The following DIP2C variants were observed in gnomAD, a reference collection of about 807,000 sequenced individuals.
DIP2C encodes disco-interacting protein 2 homolog C.
Under a neutral mutation model 192.4 loss-of-function variants are expected in DIP2C, and 33 were observed. The observed-to-expected ratio is 0.17, with a 90% confidence interval of 0.13 to 0.23. The LOEUF (loss-of-function observed/expected upper bound fraction) is 0.23, where lower values mean the gene tolerates loss of function less well. Among genes scored for constraint, DIP2C ranks in the 10% least tolerant of loss-of-function variants. The pLI, the probability that DIP2C is intolerant of heterozygous loss-of-function variation, is 1.00. For missense variants in DIP2C, 1,537 were observed against 2,110.1 expected (o/e 0.73, Z 5.32); for synonymous variants, 979 against 864.1 (o/e 1.13, Z -2.33).
intron 1 of DIP2C, among the ~76,000 whole-genome samples, chr10:648,228 A>C (rs1257959017): frequency 5.9e-5 from 9 of 151,290 alleles, no homozygotes; most frequent in African/African-American, 2.0e-4. Flanking sequence ...GAACAGAGGG[A>C]AACAGTCCAA....
rs184446547 is a variant in DIP2C at position 369,900 on chromosome 10, C to T, written c.1992-267G>A. 411 of 1,359,120 alleles carry T rather than the reference C, an allele frequency of 3.0e-4. No individual in the cohort carries two copies. In the African/African-American group the frequency reaches 5.5e-3, roughly 18 times the overall value. The allele number at this position is 1,359,120 out of a possible 1,614,324, so 84.2% of individuals were successfully genotyped here. On this transcript the variant is annotated intron_variant, in intron 17 of 36. Transcript: ENST00000280886. Reference sequence around the variant, plus strand: ...TACCAACGCAGCTCCTCTCCTGCCCCCTCTATGCAGGCCCTGCACAGACCA... The same window carrying T: ...TACCAACGCAGCTCCTCTCCTGCCCTCTCTATGCAGGCCCTGCACAGACCA...
At chr10:611,840 C>T (rs1324317023) in intron 1 of DIP2C, among the ~76,000 whole-genome samples, 1 of 152,166 alleles carries the variant, frequency 6.6e-6, no homozygotes, top group Non-Finnish European at 1.5e-5. Flanking sequence ...GCAAATATCC[C>T]CACGACTTCA....
At chr10:370,350 G>A (rs1213138947) in intron 17 of DIP2C, among the ~76,000 whole-genome samples, 2 of 152,138 alleles carry the variant, frequency 1.3e-5, no homozygotes, top group Non-Finnish European at 2.9e-5. Flanking sequence ...GCTTGCTCCC[G>A]CCTTGGGGCT....
intron 2 of DIP2C, among the ~76,000 whole-genome samples, chr10:477,079 A>G (rs1161156125): frequency 1.3e-5 from 2 of 149,888 alleles, no homozygotes; most frequent in Admixed American, 6.7e-5. Flanking sequence ...CACAAATAAA[A>G]CTTGAGCACA....
intron 29 of DIP2C, among the ~76,000 whole-genome samples, chr10:330,866 G>A (rs1445024554): frequency 6.8e-6 from 1 of 147,316 alleles, no homozygotes; most frequent in East Asian, 2.0e-4. Flanking sequence ...AGACTGGAGT[G>A]CAGTGGTGTG....
At chr10:476,400 T>C (rs960706023) in intron 2 of DIP2C, among the ~76,000 whole-genome samples, 4 of 152,178 alleles carry the variant, frequency 2.6e-5, no homozygotes, top group African/African-American at 9.7e-5. Context: ...TTGTGAACTT[T>C]CCTAGGCTCA....
chr10:352,251 A>G (rs942202594), intron 24 of DIP2C, among the ~76,000 whole-genome samples: 6 of 152,270 alleles, frequency 3.9e-5, no homozygotes, highest in Non-Finnish European at 8.8e-5. Context: ...AGACACAGCC[A>G]GCAGCCAAGA....
chr10:450,938 C>T (rs72772898), intron 3 of DIP2C, among the ~76,000 whole-genome samples: 135 of 152,308 alleles, frequency 8.9e-4, no homozygotes, highest in Non-Finnish European at 1.5e-3. Context: ...TATGTGCGTA[C>T]ATGTATGTAT....
intron 1 of DIP2C, among the ~76,000 whole-genome samples, chr10:497,487 G>C (rs919643665): frequency 6.6e-5 from 10 of 152,196 alleles, no homozygotes; most frequent in African/African-American, 2.4e-4. Flanking sequence ...CAGCAATGGG[G>C]CAGCTCTGGA....
intron 1 of DIP2C, among the ~76,000 whole-genome samples, chr10:502,509 A>C (rs1845305641): frequency 6.6e-6 from 1 of 152,178 alleles, no homozygotes; most frequent in Admixed American, 6.5e-5. Flanking sequence ...AAGCCAGAAA[A>C]AGACATCATA....
intron 1 of DIP2C, among the ~76,000 whole-genome samples, chr10:596,496 C>CAAAAAAAAAAAAAAA (rs56298679): frequency 2.8e-4 from 15 of 52,934 alleles, no homozygotes; most frequent in African/African-American, 8.9e-4. Context: ...AACTCCATCT[C>CAAAAAAAAAAAAAAA]AAAAAAAAAA....
At chr10:658,869 G>A (rs565856972) in intron 1 of DIP2C, among the ~76,000 whole-genome samples, 5 of 152,234 alleles carry the variant, frequency 3.3e-5, no homozygotes, top group South Asian at 2.1e-4. Context: ...AGAGGACAGC[G>A]GAGGATCCCA....
intron 1 of DIP2C, among the ~76,000 whole-genome samples, chr10:615,223 C>A (rs573088711): frequency 6.6e-6 from 1 of 152,162 alleles, no homozygotes; most frequent in South Asian, 2.1e-4. Flanking sequence ...TCCCAACGAT[C>A]GGGGAAGAAA....
intron 3 of DIP2C, among the ~76,000 whole-genome samples, chr10:454,716 A>C (rs1488392465): frequency 6.6e-6 from 1 of 151,850 alleles, no homozygotes; most frequent in African/African-American, 2.4e-5. Flanking sequence ...AAACATCAGC[A>C]CCCCTCAGAG....
intron 32 of DIP2C, among the ~76,000 whole-genome samples, chr10:295,805 G>C (rs151244119): frequency 2.6e-5 from 4 of 151,912 alleles, no homozygotes; most frequent in Non-Finnish European, 5.9e-5. Flanking sequence ...TCAGGAGTTC[G>C]AGACCAGCCT....
intron 17 of DIP2C, among the ~76,000 whole-genome samples, chr10:371,232 G>A (rs916302984): frequency 6.6e-6 from 1 of 151,868 alleles, no homozygotes; most frequent in Non-Finnish European, 1.5e-5. Context: ...CCTCTACAAA[G>A]ATCAGCGTGG....
intron 31 of DIP2C, 47 bp from the exon 32 acceptor site, chr10:310,139 AT>A: frequency 6.5e-7 from 1 of 1,545,062 alleles, no homozygotes; most frequent in South Asian, 1.1e-5. Flanking sequence ...ATGGAGGGAG[AT>A]TGGGGTCTGT....
chr10:546,613 T>C (rs955865426), intron 1 of DIP2C, among the ~76,000 whole-genome samples: 2 of 152,252 alleles, frequency 1.3e-5, no homozygotes, highest in Non-Finnish European at 2.9e-5. Flanking sequence ...GGCACTTCCA[T>C]GCAGGCTGTC....
intron 1 of DIP2C, among the ~76,000 whole-genome samples, chr10:549,863 C>T (rs1429233990): frequency 6.6e-6 from 1 of 152,082 alleles, no homozygotes; most frequent in Non-Finnish European, 1.5e-5. Context: ...ACACCACCAT[C>T]CCTTCTGGTA....
Sources: allele counts gnomAD v4.1 joint callset (sites outside exome capture counted in the v4.1 genomes callset), GRCh38; gene constraint gnomAD v4.1.1; transcripts MANE v1.5; gene names NCBI Gene and HGNC (gene_info 2026-07-23, HGNC 2026-07-21).